LSAMP: variants seen among roughly 807,000 people sequenced by gnomAD.
LSAMP encodes limbic system-associated membrane protein.
Under a neutral mutation model 38.6 loss-of-function variants are expected in LSAMP, and 7 were observed. That is an observed-to-expected ratio of 0.18 (90% CI 0.10 to 0.34). The LOEUF is 0.34. Ranked by LOEUF, LSAMP falls within the 10% of genes least tolerant of loss-of-function variation. LSAMP has a pLI of 1.00. For missense variants in LSAMP, 313 were observed against 420.0 expected, an observed-to-expected ratio of 0.75 and a Z score of 2.23; for synonymous variants, 154 against 166.8, an observed-to-expected ratio of 0.92 and a Z score of 0.59.
chr3:115,961,368 C>T (rs1938620689), intron 3 of LSAMP, among the ~76,000 whole-genome samples: 1 of 152,226 alleles, frequency 6.6e-6, no homozygotes. Flanking sequence ...CAATTCTCCT[C>T]TTCTCCCAGG....
chr3:116,226,838 C>T (rs1222482368), intron 1 of LSAMP, among the ~76,000 whole-genome samples: 1 of 152,220 alleles, frequency 6.6e-6, no homozygotes, highest in African/African-American at 2.4e-5. Context: ...AGGAACTGGG[C>T]TCCGTGAGTT....
rs1385493876 is a variant in LSAMP, at chr3:116,107,704, T to C, written c.156-21148A>G. Among the ~76,000 whole-genome samples the C allele has an allele frequency of 2.0e-5, 3 of 152,156 alleles. No individual in the cohort carries two copies. The East Asian group carries it at 5.8e-4, about 29-fold the overall frequency. On this transcript the variant is annotated intron_variant, in intron 1 of 6. Transcript: ENST00000490035. ...AAGCCTTGCGGCAGTACAGCCCAGGTAATTTGCTGAGCCTGATGGGTGTCA... is the reference window on the plus strand; with the variant it reads ...AAGCCTTGCGGCAGTACAGCCCAGGCAATTTGCTGAGCCTGATGGGTGTCA...
At chr3:116,098,703 T>A (rs1047080432) in intron 1 of LSAMP, among the ~76,000 whole-genome samples, 1 of 152,182 alleles carries the variant, frequency 6.6e-6, no homozygotes, top group Non-Finnish European at 1.5e-5. Context: ...GAGGACTTCA[T>A]CCTTGTGTAA....
chr3:115,964,965 A>G (rs1417136996), intron 3 of LSAMP, among the ~76,000 whole-genome samples: 3 of 152,114 alleles, frequency 2.0e-5, no homozygotes, highest in Admixed American at 1.3e-4. Context: ...GTTATTCTCA[A>G]ATTGACCAAC....
intron 1 of LSAMP, among the ~76,000 whole-genome samples, chr3:116,322,489 A>G (rs2047718571): frequency 6.6e-6 from 1 of 152,198 alleles, no homozygotes; most frequent in Non-Finnish European, 1.5e-5. Flanking sequence ...TAGATAGATT[A>G]TCGGTACACA....
rs1933603630 is a variant in LSAMP, at chr3:115,805,201, G to A, written c.*5116C>T. On this transcript the variant is annotated 3_prime_UTR_variant, in exon 7 of 7. Coordinates refer to ENST00000490035, the MANE Select transcript of LSAMP (RefSeq NM_002338.5). ...TTTGGGGTCGGGTGAGACAACTACAGCAACAGTTGGGACAATCTCCACTTA... is the reference window on the plus strand; with the variant it reads ...TTTGGGGTCGGGTGAGACAACTACAACAACAGTTGGGACAATCTCCACTTA... The A allele has an allele frequency of 6.6e-6, 1 of 152,148 alleles. No individual in the cohort carries two copies. Among genetic ancestry groups the A allele is most frequent in the Non-Finnish European group, 1.5e-5 (1 of 68,044 alleles). The allele number at this position is 152,148 out of a possible 1,614,324, so 9.4% of individuals were successfully genotyped here.
At chr3:116,026,388 G>C (rs1365441516) in intron 2 of LSAMP, among the ~76,000 whole-genome samples, 1 of 152,118 alleles carries the variant, frequency 6.6e-6, no homozygotes, top group African/African-American at 2.4e-5. Flanking sequence ...TCTTCTTTTT[G>C]TGTAAGACTA....
At chr3:116,444,648 G>A (rs765960185) in intron 1 of LSAMP, among the ~76,000 whole-genome samples, 16 of 151,768 alleles carry the variant, frequency 1.1e-4, no homozygotes, top group South Asian at 2.1e-4. Flanking sequence ...CACCACTGCT[G>A]CTTGACAGGG....
intron 3 of LSAMP, among the ~76,000 whole-genome samples, chr3:115,964,414 A>C (rs112591270): frequency 9.8e-5 from 15 of 152,300 alleles, no homozygotes; most frequent in African/African-American, 3.6e-4. Flanking sequence ...ACATCCATGT[A>C]GGTACCTAAT....
chr3:116,059,080 T>C (rs921431270), intron 2 of LSAMP, among the ~76,000 whole-genome samples: 1 of 152,194 alleles, frequency 6.6e-6, no homozygotes, highest in Admixed American at 6.5e-5. Flanking sequence ...AACATAATTA[T>C]AGCTGCAAAG....
chr3:116,135,387 A>T (rs758005905), intron 1 of LSAMP, among the ~76,000 whole-genome samples: 1 of 152,208 alleles, frequency 6.6e-6, no homozygotes, highest in African/African-American at 2.4e-5. Flanking sequence ...ATACCTTGTT[A>T]TTCAGATGAG....
chr3:115,902,965 A>C (rs1342956421), intron 3 of LSAMP, among the ~76,000 whole-genome samples: 1 of 152,162 alleles, frequency 6.6e-6, no homozygotes, highest in African/African-American at 2.4e-5. Flanking sequence ...AACTACCTTC[A>C]ACCAGCAATC....
chr3:116,234,163 C>T (rs2046437802), intron 1 of LSAMP, among the ~76,000 whole-genome samples: 1 of 152,196 alleles, frequency 6.6e-6, no homozygotes, highest in African/African-American at 2.4e-5. Context: ...ATAGTTCAGT[C>T]TTTTTCTGTT....
intron 1 of LSAMP, among the ~76,000 whole-genome samples, chr3:116,416,270 C>T (rs2049049100): frequency 1.3e-5 from 2 of 152,058 alleles, no homozygotes; most frequent in Admixed American, 1.3e-4. Flanking sequence ...GTGGTGGACA[C>T]CTACACATGT....
chr3:116,137,570 A>C (rs1244183112), intron 1 of LSAMP, among the ~76,000 whole-genome samples: 1 of 152,166 alleles, frequency 6.6e-6, no homozygotes, highest in East Asian at 1.9e-4. Flanking sequence ...CCTTTGAGAA[A>C]TAGTGAAACA....
intron 1 of LSAMP, among the ~76,000 whole-genome samples, chr3:116,208,323 A>C (rs6775057): frequency 0.81 from 118,445 of 147,072 alleles, 48,382 homozygotes; most frequent in East Asian, 0.91. Context: ...TCAAAGTTTT[A>C]AACTTCTTTG....
chr3:116,162,753 G>T, intron 1 of LSAMP, among the ~76,000 whole-genome samples: 1 of 110,758 alleles, frequency 9.0e-6, no homozygotes, highest in African/African-American at 3.8e-5. Context: ...TATACATATC[G>T]TATACACACA....
At chr3:116,029,845 T>G (rs985597973) in intron 2 of LSAMP, among the ~76,000 whole-genome samples, 44 of 152,094 alleles carry the variant, frequency 2.9e-4, no homozygotes, top group African/African-American at 1.0e-3. Flanking sequence ...CACACTCTTT[T>G]GGGCCTTTGA....
intron 3 of LSAMP, among the ~76,000 whole-genome samples, chr3:115,951,915 A>C (rs974535862): frequency 1.3e-5 from 2 of 152,152 alleles, no homozygotes; most frequent in African/African-American, 4.8e-5. Flanking sequence ...AAGGACATGA[A>C]TAGACAATTC....
Sources: gnomAD v4.1 joint callset for allele counts (sites outside exome capture counted in the v4.1 genomes callset) on GRCh38, gnomAD v4.1.1 for gene constraint, MANE v1.5 for transcripts, NCBI Gene and HGNC (gene_info 2026-07-23, HGNC 2026-07-21) for gene names.